Variants in SLCO2A1 observed in about 807,000 individuals in gnomAD.
The protein encoded by SLCO2A1 is solute carrier organic anion transporter family member 2A1.
In SLCO2A1, 60 loss-of-function variants were observed where a neutral mutation model predicts 71.7. The observed-to-expected ratio is 0.84, with a 90% CI of 0.68 to 1.04. The LOEUF (loss-of-function observed/expected upper bound fraction) is 1.04, where lower values mean the gene tolerates loss of function less well. Ranked by LOEUF, SLCO2A1 falls within the 50% of genes least tolerant of loss-of-function variation. SLCO2A1 has a pLI of 0.00. For synonymous variants in SLCO2A1, 308 were observed against 326.7 expected, an observed-to-expected ratio of 0.94 and a Z score of 0.62; for missense variants, 745 against 813.4, an observed-to-expected ratio of 0.92 and a Z score of 1.02.
At chr3:134,017,425 C>T (rs1935478107) in intron 1 of SLCO2A1, among the ~76,000 whole-genome samples, 1 of 152,206 alleles carries the variant, frequency 6.6e-6, no homozygotes, top group Non-Finnish European at 1.5e-5. Context: ...CAGTGATAAC[C>T]ATCCACGTTG....
intron 1 of SLCO2A1, among the ~76,000 whole-genome samples, chr3:134,014,880 T>C (rs1319325309): frequency 6.6e-6 from 1 of 152,154 alleles, no homozygotes; most frequent in Non-Finnish European, 1.5e-5. Flanking sequence ...AGGGCTGTCA[T>C]TAAGATTAGA....
chr3:133,993,078 C>A (rs1934888587), intron 1 of SLCO2A1, among the ~76,000 whole-genome samples: 1 of 152,210 alleles, frequency 6.6e-6, no homozygotes, highest in South Asian at 2.1e-4. Flanking sequence ...CCTCCAGATG[C>A]TGCCGTGGGG....
rs542474335 is a variant in SLCO2A1 at position 133,968,561 on chromosome 3, T to C, written c.397+5102A>G. Among the ~76,000 whole-genome samples, 6 of 152,384 alleles carry C rather than the reference T, an allele frequency of 3.9e-5. No homozygotes were observed. In the South Asian group the frequency reaches 1.0e-3, roughly 26 times the overall value. ...GGAAAGTGACTCTTCCCTTTCTTTTTCTTGTCTGCTCCAAAAATACAGTGC... is the reference window on the plus strand; with the variant it reads ...GGAAAGTGACTCTTCCCTTTCTTTTCCTTGTCTGCTCCAAAAATACAGTGC... On this transcript the variant is annotated intron_variant, in intron 3 of 13. Transcript: ENST00000310926.
intron 1 of SLCO2A1, among the ~76,000 whole-genome samples, chr3:134,028,577 C>T (rs1559964021): frequency 6.6e-6 from 1 of 152,194 alleles, no homozygotes; most frequent in African/African-American, 2.4e-5. Context: ...CCTCCAGATC[C>T]CTTTCTGTTG....
chr3:133,958,395 C>T (rs1022266963), intron 3 of SLCO2A1, among the ~76,000 whole-genome samples: 1 of 152,210 alleles, frequency 6.6e-6, no homozygotes, highest in Non-Finnish European at 1.5e-5. Context: ...TCACTGGTCA[C>T]TCCCCCAGTG....
At chr3:133,963,070 T>C (rs1178690982) in intron 3 of SLCO2A1, among the ~76,000 whole-genome samples, 1 of 152,144 alleles carries the variant, frequency 6.6e-6, no homozygotes, top group Non-Finnish European at 1.5e-5. Context: ...AAATGTTAAC[T>C]AGAAACAGGC....
chr3:133,958,428 G>C, intron 3 of SLCO2A1, among the ~76,000 whole-genome samples: 1 of 152,200 alleles, frequency 6.6e-6, no homozygotes, highest in East Asian at 1.9e-4. Context: ...AGGACACCCG[G>C]GGCTGTTGCC....
At position 133,933,017 on chromosome 3, in the gene SLCO2A1, A is replaced by G. The variant is rs948942177; in HGVS notation, c.*1696T>C. ...TAACAGTGGTTTCCACAAAGACTTC[A>G]GTCTCATGGCATTGGACTTTGTTTG... On this transcript the variant is annotated 3_prime_UTR_variant, in exon 14 of 14. Transcript: ENST00000310926. The G allele has an allele frequency of 8.5e-5, 13 of 152,666 alleles. No individual in the cohort carries two copies. Among genetic ancestry groups the G allele is most frequent in the African/African-American group, 2.9e-4 (12 of 41,460 alleles). The allele number at this position is 152,666 out of a possible 1,614,324, so 9.5% of individuals were successfully genotyped here.
At chr3:133,951,464 G>T in intron 5 of SLCO2A1, 120 bp from the exon 6 acceptor site, 1 of 1,207,784 alleles carries the variant, frequency 8.3e-7, no homozygotes, top group Non-Finnish European at 1.2e-6. Context: ...GAAGAGGCAA[G>T]CCATGAGCTA....
chr3:133,993,602 A>T (rs538193592), intron 1 of SLCO2A1, among the ~76,000 whole-genome samples: 1 of 152,332 alleles, frequency 6.6e-6, no homozygotes, highest in Middle Eastern at 3.4e-3. Context: ...ACGGATATTT[A>T]TGTAAATATG....
At chr3:133,961,817 G>A (rs952744585) in intron 3 of SLCO2A1, among the ~76,000 whole-genome samples, 2 of 152,108 alleles carry the variant, frequency 1.3e-5, no homozygotes, top group Non-Finnish European at 2.9e-5. Context: ...ACTCAATAGG[G>A]CCCAAACCCA....
At chr3:133,935,702 C>T in intron 13 of SLCO2A1, 72 bp downstream of exon 13, 1 of 1,430,850 alleles carries the variant, frequency 7.0e-7, no homozygotes, top group South Asian at 1.8e-5. Context: ...ACAGTAGCCA[C>T]TGGGCATATG....
intron 3 of SLCO2A1, among the ~76,000 whole-genome samples, chr3:133,967,015 C>T (rs368722329): frequency 1.3e-5 from 2 of 152,186 alleles, no homozygotes; most frequent in Non-Finnish European, 2.9e-5. Context: ...AGCCCGCTTT[C>T]CTTTTTACCC....
chr3:134,013,138 C>G (rs1407497080), intron 1 of SLCO2A1, among the ~76,000 whole-genome samples: 2 of 152,152 alleles, frequency 1.3e-5, no homozygotes, highest in African/African-American at 4.8e-5. Flanking sequence ...TCAATAAATG[C>G]TTACAAAGTA....
At position 133,933,484 on chromosome 3, in the gene SLCO2A1, T is replaced by C. The variant is rs1486475510; in HGVS notation, c.*1229A>G. The C allele has an allele frequency of 1.3e-5, 2 of 152,228 alleles. No individual in the cohort carries two copies. The highest frequency in any genetic ancestry group is 2.9e-5 in the Non-Finnish European group (2 of 68,056). 9.4% of individuals were successfully genotyped at this position (152,228 alleles called of 1,614,324 possible). ...AAAGTCGGTCTCCAATAAATATATT[T>C]GTTGATGAATGACCTCCTTCGTTGG... On this transcript the variant is annotated 3_prime_UTR_variant, in exon 14 of 14. Transcript: ENST00000310926.
At chr3:133,979,445 C>G in intron 2 of SLCO2A1, 36 bp downstream of exon 2, 1 of 1,613,892 alleles carries the variant, frequency 6.2e-7, no homozygotes, top group Non-Finnish European at 8.5e-7. Context: ...GCGTGGTGCA[C>G]AAGTGGAGTC....
chr3:134,021,778 C>T (rs1935584987), intron 1 of SLCO2A1, among the ~76,000 whole-genome samples: 2 of 151,350 alleles, frequency 1.3e-5, no homozygotes, highest in Admixed American at 1.3e-4. Context: ...AAAAGTGTAC[C>T]CTATAAAAGC....
At chr3:133,985,352 C>A (rs1468511356) in intron 1 of SLCO2A1, among the ~76,000 whole-genome samples, 1 of 152,200 alleles carries the variant, frequency 6.6e-6, no homozygotes, top group Non-Finnish European at 1.5e-5. Flanking sequence ...TGTAACTCCG[C>A]ATCCACACAC....
chr3:133,938,541 C>G (rs200501467), intron 11 of SLCO2A1, 48 bp from the exon 12 acceptor site: 4 of 1,581,106 alleles, frequency 2.5e-6, no homozygotes, highest in South Asian at 2.2e-5. Context: ...CAGGGCTGCA[C>G]GATCCCTTGG....
Sources: allele counts gnomAD v4.1 joint callset (sites outside exome capture counted in the v4.1 genomes callset), GRCh38; gene constraint gnomAD v4.1.1; transcripts MANE v1.5; gene names NCBI Gene and HGNC (gene_info 2026-07-23, HGNC 2026-07-21).